CAP2: variants seen among roughly 807,000 people sequenced by gnomAD.
CAP2 encodes the protein cyclase associated actin cytoskeleton regulatory protein 2.
In CAP2, 24 loss-of-function variants were observed where a neutral mutation model predicts 57.7. The observed-to-expected ratio is 0.42, with a 90% CI of 0.30 to 0.58. The LOEUF is 0.58. CAP2 is among the 20% of genes least tolerant of loss of function. The pLI is 0.22. For synonymous variants in CAP2, 194 were observed against 207.2 expected, an observed-to-expected ratio of 0.94 and a Z score of 0.55; for missense variants, 501 against 590.3, an observed-to-expected ratio of 0.85 and a Z score of 1.57.
intron 3 of CAP2, among the ~76,000 whole-genome samples, chr6:17,435,722 A>C (rs927556836): frequency 1.5e-4 from 22 of 145,924 alleles, no homozygotes; most frequent in Admixed American, 3.4e-4. Flanking sequence ...ACGGATAAAA[A>C]AAAAAAAAAA....
intron 1 of CAP2, among the ~76,000 whole-genome samples, chr6:17,398,664 A>G (rs1417492299): frequency 6.6e-6 from 1 of 151,624 alleles, no homozygotes; most frequent in Non-Finnish European, 1.5e-5. Context: ...AGCTGGGACT[A>G]CAGGTGCCCA....
intron 1 of CAP2, among the ~76,000 whole-genome samples, chr6:17,405,815 G>A (rs6459541): frequency 0.36 from 55,259 of 151,936 alleles, 11,416 homozygotes; most frequent in African/African-American, 0.57. Flanking sequence ...ATCTTGGCTC[G>A]CTACAGCCTC....
rs142638495 is a variant in CAP2, at chr6:17,525,517, A to G, written c.636+11563A>G. Among the ~76,000 whole-genome samples, 4 of 151,738 alleles carry G rather than the reference A, an allele frequency of 2.6e-5. No individual in the cohort carries two copies. In the East Asian group the frequency reaches 7.8e-4, roughly 29 times the overall value. On this transcript the variant is annotated intron_variant, in intron 7 of 12. Coordinates refer to ENST00000229922, the MANE Select transcript of CAP2 (RefSeq NM_006366.3). Reference sequence around the variant, plus strand: ...GAAGCTTCTCCAACCTCTGCTTATCACCATGCCCACCACAAGCTGGAAGTT... The same window carrying G: ...GAAGCTTCTCCAACCTCTGCTTATCGCCATGCCCACCACAAGCTGGAAGTT...
chr6:17,421,408 T>C (rs1355008791), intron 1 of CAP2, 147 bp from the exon 2 acceptor site: 1 of 811,040 alleles, frequency 1.2e-6, no homozygotes, highest in South Asian at 1.7e-5. Context: ...GCAACAATAA[T>C]ACATACAATT....
intron 3 of CAP2, among the ~76,000 whole-genome samples, chr6:17,439,064 T>C (rs1248117123): frequency 2.0e-5 from 3 of 150,862 alleles, no homozygotes; most frequent in Admixed American, 6.6e-5. Context: ...TGAATCAAGA[T>C]TGTGCCATTG....
At chr6:17,398,892 A>C (rs1298285470) in intron 1 of CAP2, among the ~76,000 whole-genome samples, 2 of 152,116 alleles carry the variant, frequency 1.3e-5, no homozygotes, top group Non-Finnish European at 2.9e-5. Flanking sequence ...TGCAACCATT[A>C]TTATTGTCCA....
intron 4 of CAP2, among the ~76,000 whole-genome samples, chr6:17,496,029 G>GCGGGGT (rs1554127011): frequency 2.4e-5 from 3 of 125,838 alleles, no homozygotes; most frequent in East Asian, 2.7e-4. Flanking sequence ...TGTGTGGGTG[G>GCGGGGT]GGGGGGGGGG....
At chr6:17,417,276 T>A (rs1759305542) in intron 1 of CAP2, among the ~76,000 whole-genome samples, 1 of 138,060 alleles carries the variant, frequency 7.2e-6, no homozygotes. Flanking sequence ...TAAAACTGAT[T>A]TTTTTTTTTT....
chr6:17,553,560 G>C (rs548326938), intron 12 of CAP2, among the ~76,000 whole-genome samples: 30 of 151,722 alleles, frequency 2.0e-4, no homozygotes, highest in African/African-American at 7.0e-4. Context: ...TTGAACCTGG[G>C]AGGCAGAGGT....
intron 3 of CAP2, among the ~76,000 whole-genome samples, chr6:17,443,366 C>G (rs985919663): frequency 6.6e-6 from 1 of 152,220 alleles, no homozygotes; most frequent in Non-Finnish European, 1.5e-5. Flanking sequence ...CTTGACGCCT[C>G]TTTTCCCTAC....
rs1244292118 is a variant in CAP2, at chr6:17,542,870, T to C, written c.1036T>C (p.Ser346Pro). 2 of 1,612,788 alleles carry C rather than the reference T, an allele frequency of 1.2e-6. No homozygotes were observed. The highest frequency in any genetic ancestry group is 2.7e-5 in the African/African-American group (2 of 74,912). ...YQEDRNDLVI[S>P]ETELKQVAYI... The stretch of plus-strand genomic sequence containing the variant: ...AGAGGACAGGAATGACCTTGTGATT[T>C]CAGAGACTGAGCTGAAACAAGTGGC... Residue 346 changes from serine (S) to proline (P), a missense_variant, in exon 10 of 13, where the codon TCA becomes CCA. Physicochemically the swap from Ser to Pro is moderately conservative, Grantham distance 74. Coordinates refer to ENST00000229922, the MANE Select transcript of CAP2 (RefSeq NM_006366.3).
Position 17,493,860 on chromosome 6 carries a change from G to A in CAP2, c.301-13309G>A, listed in dbSNP as rs376582067. ...GGCCCCTGGGAACACCTGGTTGAGG[G>A]CAGCCGAAACAGTACGTCTAAATCG... On this transcript the variant is annotated intron_variant, in intron 4 of 12. Coordinates refer to ENST00000229922, the MANE Select transcript of CAP2 (RefSeq NM_006366.3). 7.2e-4 allele frequency among the ~76,000 whole-genome samples: 110 copies of A among 151,926 alleles called. 2 individuals carry two copies. The South Asian group carries it at 0.019, about 26-fold the overall frequency.
At position 17,531,159 on chromosome 6, in the gene CAP2, T is replaced by C. The variant is rs1762629609; in HGVS notation, c.637-8110T>C. 4 of 764,832 alleles carry C rather than the reference T, an allele frequency of 5.2e-6. No individual in the cohort carries two copies. In the Admixed American group the frequency reaches 6.8e-5, roughly 13 times the overall value. The allele number at this position is 764,832 out of a possible 1,614,324, so 47.4% of individuals were successfully genotyped here. A position where few individuals can be genotyped will look rare whatever the true frequency, so the allele number is the denominator to read the frequency against. ...CAAAGCAATTCGCTTCTTACTGATT[T>C]TGCCATAACCACACTTATGGATTAG... On this transcript the variant is annotated intron_variant, in intron 7 of 12. Transcript: ENST00000229922.
chr6:17,555,139 A>G (rs1303937893), intron 12 of CAP2, among the ~76,000 whole-genome samples: 1 of 152,294 alleles, frequency 6.6e-6, no homozygotes, highest in East Asian at 1.9e-4. Flanking sequence ...TTCTCATTCC[A>G]TTCCCCAGAC....
chr6:17,527,756 G>A (rs1206471249), intron 7 of CAP2, among the ~76,000 whole-genome samples: 9 of 151,926 alleles, frequency 5.9e-5, no homozygotes, highest in Non-Finnish European at 8.8e-5. Context: ...CACCATGCCT[G>A]GCTAATTTTT....
intron 12 of CAP2, among the ~76,000 whole-genome samples, chr6:17,554,925 TTTGTCTGTAC>T (rs1763259712): frequency 1.3e-5 from 2 of 152,224 alleles, no homozygotes; most frequent in South Asian, 4.1e-4. Flanking sequence ...TCTATTATTC[TTTGTCTGTAC>T]GTGTGTGTAC....
chr6:17,551,865 T>G (rs1227224116), intron 12 of CAP2, among the ~76,000 whole-genome samples: 1 of 152,206 alleles, frequency 6.6e-6, no homozygotes, highest in East Asian at 1.9e-4. Context: ...TAGCACAGCA[T>G]GCATCTGAGT....
intron 4 of CAP2, among the ~76,000 whole-genome samples, chr6:17,486,824 A>C (rs189629432): frequency 6.6e-6 from 1 of 152,264 alleles, no homozygotes; most frequent in East Asian, 1.9e-4. Flanking sequence ...ATGTGCTGGA[A>C]CCCTCATTCC....
chr6:17,411,215 T>C (rs1179662428), intron 1 of CAP2, among the ~76,000 whole-genome samples: 3 of 152,232 alleles, frequency 2.0e-5, no homozygotes, highest in Non-Finnish European at 4.4e-5. Context: ...GACATTTGGA[T>C]TGTTTCCATT....
Sources: gnomAD v4.1 joint callset for allele counts (sites outside exome capture counted in the v4.1 genomes callset) on GRCh38, gnomAD v4.1.1 for gene constraint, MANE v1.5 for transcripts, NCBI Gene and HGNC (gene_info 2026-07-23, HGNC 2026-07-21) for gene names.